DNAH12: variants seen among roughly 807,000 people sequenced by gnomAD.
DNAH12 encodes axonemal beta dynein heavy chain 12.
Under a neutral mutation model 371.5 loss-of-function variants are expected in DNAH12, and 285 were observed. That is an observed-to-expected ratio of 0.77 (90% CI 0.70 to 0.85). The LOEUF (loss-of-function observed/expected upper bound fraction) is 0.85, where lower values mean the gene tolerates loss of function less well. Among genes scored for constraint, DNAH12 ranks in the 40% least tolerant of loss-of-function variants. DNAH12 has a pLI of 0.00. For synonymous variants in DNAH12, 1,200 were observed against 1,213.0 expected (o/e 0.99, Z 0.22); for missense variants, 3,611 against 3,689.4 (o/e 0.98, Z 0.55).
intron 29 of DNAH12, 137 bp downstream of exon 29, chr3:57,444,554 CTTATTG>C (rs2065414649): frequency 5.7e-6 from 7 of 1,232,342 alleles, no homozygotes; most frequent in South Asian, 1.4e-5. Context: ...CCCAAATTTA[CTTATTG>C]TTATTAACTA....
chr3:57,531,878 C>A lies in DNAH12; in HGVS notation c.171-7994G>T, dbSNP rs138864664. On this transcript the variant is annotated intron_variant, in intron 2 of 73. Transcript: ENST00000495027. Reference sequence around the variant, plus strand: ...GTACTTGAATGTCAATTATCTTTTTCTAGGTTTGGGAAGTTCTCTGATATT... The same window carrying A: ...GTACTTGAATGTCAATTATCTTTTTATAGGTTTGGGAAGTTCTCTGATATT... 4.0e-3 allele frequency among the ~76,000 whole-genome samples: 574 copies of A among 143,792 alleles called. 2 individuals carry two copies. The highest frequency in any genetic ancestry group is 0.014 in the African/African-American group (537 of 38,734). The allele number at this position is 143,792 out of a possible 152,430, so 94.3% of individuals were successfully genotyped here.
intron 62 of DNAH12, among the ~76,000 whole-genome samples, chr3:57,325,750 G>A (rs953449575): frequency 6.6e-6 from 1 of 152,160 alleles, no homozygotes; most frequent in Non-Finnish European, 1.5e-5. Flanking sequence ...AGAGAAGAAG[G>A]CTTCAGACAA....
In DNAH12 at chr3:57,405,753, T is replaced by C. The variant is rs1553680940; in HGVS notation, c.6476A>G (p.Asp2159Gly). 2 of 1,551,650 alleles carry C rather than the reference T, an allele frequency of 1.3e-6. No homozygotes were observed. Among genetic ancestry groups the C allele is most frequent in the Non-Finnish European group, 8.7e-7 (1 of 1,146,976 alleles). The change falls in exon 41 of 74, where the codon GAT becomes GGT. Residue 2159 changes from aspartate to glycine, a missense_variant. Physicochemically the swap from Asp to Gly is moderately conservative, Grantham distance 94. This residue lies in a region of DNAH12 where 2,266 missense variants were observed against 2,236.9 expected (regional missense o/e 1.01). Transcript: ENST00000495027. ...VFYDRLINDD[D>G]RRWLFQLTKT... ...AGTTAACTGGAACAGCCATCTTCGA[T>C]CATCATCATTAATGAGGCGATCATA... is the stretch of plus-strand genomic sequence containing the variant.
chr3:57,428,410 A>T (rs1353750873), intron 34 of DNAH12: 3 of 1,491,606 alleles, frequency 2.0e-6, no homozygotes, highest in East Asian at 2.8e-5. Context: ...TAGAATTTTT[A>T]AAATTTTAGA....
intron 30 of DNAH12, among the ~76,000 whole-genome samples, chr3:57,434,548 A>G (rs560730901): frequency 6.6e-6 from 1 of 152,224 alleles, no homozygotes; most frequent in South Asian, 2.1e-4. Flanking sequence ...CATCCTTAAT[A>G]ACAGAAGTTG....
chr3:57,310,849 ACGTCTGTCCCAAT>A lies in DNAH12; in HGVS notation c.10751_10763del (p.Asp3584ValfsTer4), dbSNP rs963307578. 10 of 1,551,586 alleles carry A rather than the reference ACGTCTGTCCCAAT, an allele frequency of 6.4e-6. No homozygotes were observed. The highest frequency in any genetic ancestry group is 8.7e-6 in the Non-Finnish European group (10 of 1,146,932). ...AGTCAGCCAGCATGGTTAATAGAAG[ACGTCTGTCCCAAT>A]CGTCTGTCACTCTTCCTCCATAATT... On this transcript the variant is annotated frameshift_variant, in exon 67 of 74. Transcript: ENST00000495027. LOFTEE classifies it high-confidence loss of function.
At chr3:57,474,556 A>G (rs1303795737) in intron 13 of DNAH12, among the ~76,000 whole-genome samples, 3 of 152,180 alleles carry the variant, frequency 2.0e-5, no homozygotes, top group Admixed American at 2.0e-4. Flanking sequence ...TCGGCCTCCC[A>G]CAGTGCTGGG....
At chr3:57,317,673 C>CG (rs1232165339) in intron 65 of DNAH12, among the ~76,000 whole-genome samples, 1 of 132,742 alleles carries the variant, frequency 7.5e-6, no homozygotes, top group Non-Finnish European at 1.6e-5. Context: ...ATCCTGATTT[C>CG]AATTTTTTTG....
At position 57,483,469 on chromosome 3, in the gene DNAH12, T is replaced by C; in HGVS notation, c.1557A>G (p.Lys519=). 1 of 1,551,386 alleles carries C rather than the reference T, an allele frequency of 6.4e-7. No homozygotes were observed. The highest frequency in any genetic ancestry group is 1.2e-5 in the South Asian group (1 of 84,006). Residue 519 remains lysine, a synonymous_variant, in exon 13 of 74, where the codon AAA becomes AAG. Coordinates refer to ENST00000495027, the MANE Select transcript of DNAH12 (RefSeq NM_001366028.2). ...TCATCTCTTCTGTTGTTTCAGGGAC[T>C]TTTAATGCATGTTCTTTAATTGCTT... ...EFEAIKEHAL[K]VPETTEEMMD... is the part of the protein sequence containing the mutation.
intron 37 of DNAH12, among the ~76,000 whole-genome samples, chr3:57,418,184 T>A (rs116446628): frequency 6.6e-6 from 1 of 151,108 alleles, no homozygotes; most frequent in African/African-American, 2.4e-5. Flanking sequence ...TAAATAAATA[T>A]ATATATGGTT....
At chr3:57,365,847 T>TATCC in intron 57 of DNAH12, among the ~76,000 whole-genome samples, 1 of 148,592 alleles carries the variant, frequency 6.7e-6, no homozygotes, top group Admixed American at 6.6e-5. Context: ...TATTAATATC[T>TATCC]TGTGTGTGTG....
the DNAH12 span, among the ~76,000 whole-genome samples, chr3:57,551,193 A>G: frequency 6.6e-6 from 1 of 151,372 alleles, no homozygotes; most frequent in Non-Finnish European, 1.5e-5. Flanking sequence ...ACAAAAGCAC[A>G]TATACTCATG....
chr3:57,353,897 G>C (rs2062739197), intron 59 of DNAH12, among the ~76,000 whole-genome samples: 1 of 152,184 alleles, frequency 6.6e-6, no homozygotes, highest in Non-Finnish European at 1.5e-5. Flanking sequence ...TGAAGTTGTG[G>C]AGCAAAGGGA....
At chr3:57,542,159 G>T (rs964021120) in intron 2 of DNAH12, among the ~76,000 whole-genome samples, 12 of 40,878 alleles carry the variant, frequency 2.9e-4, no homozygotes, top group South Asian at 1.7e-3. Context: ...CTAAACTGGG[G>T]GGGGGGGGGG....
intron 30 of DNAH12, among the ~76,000 whole-genome samples, chr3:57,434,039 GAA>G (rs1404301071): frequency 6.6e-6 from 1 of 151,954 alleles, no homozygotes; most frequent in African/African-American, 2.4e-5. Context: ...CTCCAAAAGG[GAA>G]TATAATAAAC....
At chr3:57,383,499 T>TAAA (rs3068162) in intron 49 of DNAH12, among the ~76,000 whole-genome samples, 1 of 151,208 alleles carries the variant, frequency 6.6e-6, no homozygotes, top group African/African-American at 2.4e-5. Flanking sequence ...GAGTGCCTCT[T>TAAA]AAAGGCTTTG....
At position 57,468,952 on chromosome 3, in the gene DNAH12, G is replaced by T. The variant is rs1309534327; in HGVS notation, c.2133C>A (p.Leu711=). 6.6e-7 allele frequency: 1 copy of T among 1,508,736 alleles called. No individual in the cohort carries two copies. Among genetic ancestry groups the T allele is most frequent in the Non-Finnish European group, 8.8e-7 (1 of 1,134,404 alleles). 93.5% of individuals were successfully genotyped at this position (1,508,736 alleles called of 1,614,324 possible). ...KRWMDGGFLD[L]NGESMEADVE... ...CATCAGCCTCCATGCTTTCCCCATT[G>T]AGGTCCAAAAACCCTCCATCCATCC... The change falls in exon 17 of 74, where the codon CTC becomes CTA. Residue 711 remains leucine, a synonymous_variant. Coordinates refer to ENST00000495027, the MANE Select transcript of DNAH12 (RefSeq NM_001366028.2).
At chr3:57,490,237 G>A (rs114945362) in intron 11 of DNAH12, among the ~76,000 whole-genome samples, 256 of 152,244 alleles carry the variant, frequency 1.7e-3, no homozygotes, top group African/African-American at 5.8e-3. Context: ...GGAGGCTGAG[G>A]TGGGAGGATT....
chr3:57,478,727 T>C (rs6787118), intron 13 of DNAH12, among the ~76,000 whole-genome samples: 101,631 of 152,072 alleles, frequency 0.67, 34,214 homozygotes, highest in South Asian at 0.75. Flanking sequence ...GCTGAGCTCT[T>C]GGCAGAAACT....
Sources: gnomAD v4.1 joint callset for allele counts (sites outside exome capture counted in the v4.1 genomes callset) on GRCh38, gnomAD v4.1.1 for gene constraint, gnomAD v4.1.1 regional missense constraint, MANE v1.5 for transcripts, NCBI Gene and HGNC (gene_info 2026-07-23, HGNC 2026-07-21) for gene names.